The following RHBDD1 variants were observed in gnomAD, a reference collection of about 807,000 sequenced individuals.
The protein encoded by RHBDD1 is rhomboid domain containing 1, also known as rhomboid-related protein 4.
Under a neutral mutation model 36.3 loss-of-function variants are expected in RHBDD1, and 38 were observed. The ratio of observed to expected loss-of-function variants is 1.05; its 90% CI spans 0.81 to 1.37. The LOEUF is 1.37. Among genes scored for constraint, RHBDD1 ranks in the 40% most tolerant of loss-of-function variants. RHBDD1 has a pLI of 0.00. For missense variants in RHBDD1, 393 were observed against 377.6 expected (o/e 1.04, Z -0.34); for synonymous variants, 151 against 136.5 (o/e 1.11, Z -0.74).
At chr2:226,866,263 G>C (rs1456815764) in intron 4 of RHBDD1, among the ~76,000 whole-genome samples, 1 of 151,984 alleles carries the variant, frequency 6.6e-6, no homozygotes, top group African/African-American at 2.4e-5. Flanking sequence ...GTACAGATGG[G>C]GTTTCACCAT....
intron 5 of RHBDD1, among the ~76,000 whole-genome samples, chr2:226,894,238 G>T (rs1407465967): frequency 6.6e-6 from 1 of 152,082 alleles, no homozygotes; most frequent in African/African-American, 2.4e-5. Context: ...TCTCCTGCTG[G>T]TGGTGTGCCT....
intron 8 of RHBDD1, among the ~76,000 whole-genome samples, chr2:226,977,001 G>C (rs1053362394): frequency 6.6e-6 from 1 of 152,302 alleles, no homozygotes; most frequent in East Asian, 1.9e-4. Context: ...CACAAGACTC[G>C]GGTTCCTGGT....
In RHBDD1 at chr2:226,865,085, A is replaced by T; in HGVS notation, c.392A>T (p.Asp131Val). Reference sequence around the variant, plus strand: ...CAATTTGCTGTTGCCGAATTTATGGATGAACCTGACTTCAAAAGGAGCTGT... The same window carrying T: ...CAATTTGCTGTTGCCGAATTTATGGTTGAACCTGACTTCAAAAGGAGCTGT... ...LLQFAVAEFM[D>V]EPDFKRSCAV... The change falls in exon 4 of 9, where the codon GAT becomes GTT. Residue 131 changes from aspartate (D) to valine (V), a missense_variant. By Grantham distance (152) the Asp-to-Val change is radical. Coordinates refer to ENST00000392062, the MANE Select transcript of RHBDD1 (RefSeq NM_001167608.3). 1 of 1,614,086 alleles carries T rather than the reference A, an allele frequency of 6.2e-7. No individual in the cohort carries two copies. Among genetic ancestry groups the T allele is most frequent in the Non-Finnish European group, 8.5e-7 (1 of 1,180,006 alleles).
intron 3 of RHBDD1, among the ~76,000 whole-genome samples, chr2:226,863,883 T>C (rs973682102): frequency 2.0e-5 from 3 of 152,142 alleles, no homozygotes; most frequent in Non-Finnish European, 4.4e-5. Flanking sequence ...TTGAAGACCA[T>C]AGTCAGATCA....
chr2:226,993,668 T>G (rs1958766681), intron 8 of RHBDD1, among the ~76,000 whole-genome samples: 1 of 152,354 alleles, frequency 6.6e-6, no homozygotes, highest in Non-Finnish European at 1.5e-5. Flanking sequence ...AATTCTCCCA[T>G]GCTCTCAACA....
At position 226,906,916 on chromosome 2, in the gene RHBDD1, T is replaced by C. The variant is rs765492300; in HGVS notation, c.655+35T>C. 3 of 1,605,428 alleles carry C rather than the reference T, an allele frequency of 1.9e-6. No homozygotes were observed. The South Asian group carries it at 3.3e-5, about 18-fold the overall frequency. On this transcript the variant is annotated intron_variant, in intron 6 of 8. Coordinates refer to ENST00000392062, the MANE Select transcript of RHBDD1 (RefSeq NM_001167608.3). ...AAAACACCTTTGGCATGACAACAGC[T>C]TGGAAGTTCATGTTAATTTTAATGT...
At chr2:226,933,369 G>A (rs1950148477) in intron 8 of RHBDD1, among the ~76,000 whole-genome samples, 1 of 152,094 alleles carries the variant, frequency 6.6e-6, no homozygotes, top group Non-Finnish European at 1.5e-5. Context: ...TAGTGATAAA[G>A]GATGCTTTCT....
chr2:226,960,279 G>A (rs146755581), intron 8 of RHBDD1, among the ~76,000 whole-genome samples: 38 of 152,308 alleles, frequency 2.5e-4, no homozygotes, highest in Non-Finnish European at 5.0e-4. Context: ...GTCGATGGTA[G>A]TGCCATCTCA....
At chr2:226,906,952 A>G in intron 6 of RHBDD1, 71 bp downstream of exon 6, 1 of 1,502,450 alleles carries the variant, frequency 6.7e-7, no homozygotes, top group Non-Finnish European at 9.3e-7. Context: ...GAACAGAAGC[A>G]ACCCCAAGTT....
chr2:226,904,132 A>G (rs1047330901), intron 5 of RHBDD1, among the ~76,000 whole-genome samples: 1 of 152,168 alleles, frequency 6.6e-6, no homozygotes, highest in South Asian at 2.1e-4. Context: ...AAACTTTCAC[A>G]CTGGCCCTCT....
intron 8 of RHBDD1, among the ~76,000 whole-genome samples, chr2:226,950,688 G>A (rs1230914335): frequency 1.3e-5 from 2 of 152,146 alleles, no homozygotes; most frequent in Non-Finnish European, 2.9e-5. Context: ...CAAGTGTGAG[G>A]TAGGTGATAC....
intron 8 of RHBDD1, among the ~76,000 whole-genome samples, chr2:226,995,074 G>A (rs977730748): frequency 5.3e-5 from 8 of 151,906 alleles, no homozygotes; most frequent in African/African-American, 1.5e-4. Flanking sequence ...GTTAGTAAAG[G>A]TGGCAACAAG....
the RHBDD1 span, among the ~76,000 whole-genome samples, chr2:226,802,388 A>G: frequency 6.6e-6 from 1 of 152,184 alleles, no homozygotes; most frequent in African/African-American, 2.4e-5. Flanking sequence ...TTTACTACCA[A>G]TTTAAAGGTG....
At chr2:226,841,372 G>A (rs1283883736) in intron 3 of RHBDD1, among the ~76,000 whole-genome samples, 1 of 152,092 alleles carries the variant, frequency 6.6e-6, no homozygotes, top group African/African-American at 2.4e-5. Context: ...AGGTAAACAT[G>A]TGCCATGGTG....
At chr2:226,898,123 A>G (rs1947279148) in intron 5 of RHBDD1, among the ~76,000 whole-genome samples, 2 of 152,184 alleles carry the variant, frequency 1.3e-5, no homozygotes, top group Non-Finnish European at 2.9e-5. Flanking sequence ...GTCACCTCCC[A>G]TTAGGCCCTA....
intron 3 of RHBDD1, among the ~76,000 whole-genome samples, chr2:226,848,918 A>G (rs1170556722): frequency 6.6e-6 from 1 of 152,210 alleles, no homozygotes; most frequent in Non-Finnish European, 1.5e-5. Flanking sequence ...GTTCTACTAC[A>G]GATTAACTAG....
At chr2:226,895,502 A>T (rs1027156406) in intron 5 of RHBDD1, 2 of 179,818 alleles carry the variant, frequency 1.1e-5, no homozygotes, top group African/African-American at 4.8e-5. Flanking sequence ...GTCTGGTTAC[A>T]TGAAGTGTCT....
At chr2:226,926,610 C>T (rs1366058582) in intron 8 of RHBDD1, among the ~76,000 whole-genome samples, 2 of 152,126 alleles carry the variant, frequency 1.3e-5, no homozygotes, top group Non-Finnish European at 2.9e-5. Context: ...AAGAAAATGT[C>T]ATAGGTAACA....
intron 3 of RHBDD1, among the ~76,000 whole-genome samples, chr2:226,851,598 C>G (rs1057171820): frequency 6.6e-6 from 1 of 151,972 alleles, no homozygotes; most frequent in Admixed American, 6.6e-5. Flanking sequence ...TCCAAATTGC[C>G]TGGGGATCCC....
Sources: allele counts gnomAD v4.1 joint callset (sites outside exome capture counted in the v4.1 genomes callset), GRCh38; gene constraint gnomAD v4.1.1; transcripts MANE v1.5; gene names NCBI Gene and HGNC (gene_info 2026-07-23, HGNC 2026-07-21).